PLCL2: variants seen among roughly 807,000 people sequenced by gnomAD.
PLCL2 encodes the protein inactive phospholipase C-like protein 2.
In PLCL2, 4 loss-of-function variants were observed where a neutral mutation model predicts 79.6. The ratio of observed to expected loss-of-function variants is 0.05; its 90% CI spans 0.02 to 0.11. The LOEUF is 0.11. PLCL2 is among the 10% of genes least tolerant of loss of function. The pLI is 1.00. For synonymous variants in PLCL2, 484 were observed against 457.7 expected, an observed-to-expected ratio of 1.06 and a Z score of -0.73; for missense variants, 895 against 1,291.0, an observed-to-expected ratio of 0.69 and a Z score of 4.70.
chr3:17,044,364 T>C (rs1186655432), intron 4 of PLCL2, among the ~76,000 whole-genome samples: 1 of 152,224 alleles, frequency 6.6e-6, no homozygotes, highest in Non-Finnish European at 1.5e-5. Context: ...TTCTCTGCCC[T>C]CTCTGCCAAT....
chr3:17,050,470 T>G (rs1057187437), intron 4 of PLCL2, among the ~76,000 whole-genome samples: 1 of 152,100 alleles, frequency 6.6e-6, no homozygotes, highest in East Asian at 1.9e-4. Context: ...ATAATCCAAT[T>G]TTAAAATGGG....
At chr3:17,014,625 TA>T in intron 2 of PLCL2, 82 bp from the exon 3 acceptor site, 1 of 1,074,434 alleles carries the variant, frequency 9.3e-7, no homozygotes, top group Non-Finnish European at 1.4e-6. Context: ...GGTTCAAGCA[TA>T]ATCAGATATA....
intron 4 of PLCL2, among the ~76,000 whole-genome samples, chr3:17,060,250 A>G (rs1046433845): frequency 3.0e-4 from 45 of 152,220 alleles, no homozygotes; most frequent in African/African-American, 1.1e-3. Context: ...AACCTCCCTC[A>G]TATAATTCAT....
chr3:16,989,850 G>A (rs753112260), intron 1 of PLCL2, among the ~76,000 whole-genome samples: 5 of 152,118 alleles, frequency 3.3e-5, no homozygotes, highest in Non-Finnish European at 2.9e-5. Flanking sequence ...GCTAGATAGC[G>A]TAGTTTTTTT....
chr3:17,009,931 A>T lies in PLCL2; in HGVS notation c.585A>T (p.Arg195Ser), dbSNP rs926704167. ...ACATTAAATCCATCAAGGAAGTGAG[A>T]ACAGGAAAAAACACAGACATATTCC... ...KIDIKSIKEV[R>S]TGKNTDIFRS... The change falls in exon 2 of 6, where the codon AGA (arginine) becomes AGT (serine). Residue 195 changes from arginine to serine, a missense_variant. Physicochemically the swap from Arg to Ser is moderately radical, Grantham distance 110. This residue lies in a region of PLCL2 where 129 missense variants were observed against 208.8 expected (regional missense o/e 0.62). Transcript: ENST00000615277. This position sits in a 1 kb window ranked among gnomAD's most constrained non-coding sequence, Gnocchi z 4.0. 2 of 1,613,986 alleles carry T rather than the reference A, an allele frequency of 1.2e-6. No individual in the cohort carries two copies. The highest frequency in any genetic ancestry group is 2.7e-5 in the African/African-American group (2 of 74,926).
chr3:17,005,519 T>C (rs373313535), intron 1 of PLCL2, among the ~76,000 whole-genome samples: 14 of 152,348 alleles, frequency 9.2e-5, no homozygotes, highest in African/African-American at 3.1e-4. Flanking sequence ...TAGAAAGATG[T>C]ATGTTTTTCC....
chr3:16,997,726 G>C (rs549135093), intron 1 of PLCL2, among the ~76,000 whole-genome samples: 1 of 152,072 alleles, frequency 6.6e-6, no homozygotes, highest in Admixed American at 6.5e-5. Context: ...TTTTAGTAGA[G>C]ATGGGGTTTC....
At chr3:16,994,433 A>G (rs558648949) in intron 1 of PLCL2, among the ~76,000 whole-genome samples, 1 of 152,308 alleles carries the variant, frequency 6.6e-6, no homozygotes, top group Non-Finnish European at 1.5e-5. Context: ...GCTCTCTGCC[A>G]AGTAGATACA....
At chr3:17,043,993 A>G (rs545989187) in intron 4 of PLCL2, 3 of 152,310 alleles carry the variant, frequency 2.0e-5, no homozygotes, top group African/African-American at 7.2e-5. Context: ...TATTAACACA[A>G]TCTGCAAATT....
At chr3:16,981,234 A>C (rs1007125222) in intron 1 of PLCL2, among the ~76,000 whole-genome samples, 1 of 152,246 alleles carries the variant, frequency 6.6e-6, no homozygotes, top group Non-Finnish European at 1.5e-5. Context: ...ATTAATCAAT[A>C]ATATATTGAT....
At chr3:16,907,577 G>T (rs994616192) in intron 1 of PLCL2, among the ~76,000 whole-genome samples, 7 of 152,160 alleles carry the variant, frequency 4.6e-5, no homozygotes, top group Non-Finnish European at 7.3e-5. Context: ...CTCCATTAGG[G>T]GCTTAGGCTT....
At chr3:17,047,739 T>A (rs369763636) in intron 4 of PLCL2, among the ~76,000 whole-genome samples, 2 of 152,160 alleles carry the variant, frequency 1.3e-5, no homozygotes, top group African/African-American at 4.8e-5. Flanking sequence ...ATGCAGTGAT[T>A]TCTTGGAGGC....
chr3:16,950,150 T>A (rs1356327984), intron 1 of PLCL2, among the ~76,000 whole-genome samples: 1 of 152,228 alleles, frequency 6.6e-6, no homozygotes, highest in East Asian at 1.9e-4. Context: ...TTTTTTGGCA[T>A]CAACCTCTCA....
At chr3:16,913,833 A>G (rs981858334) in intron 1 of PLCL2, among the ~76,000 whole-genome samples, 5 of 152,190 alleles carry the variant, frequency 3.3e-5, no homozygotes, top group African/African-American at 1.2e-4. Flanking sequence ...ATTTTATGGA[A>G]GAAAGATCTG....
chr3:16,999,841 C>T (rs1236381658), intron 1 of PLCL2, among the ~76,000 whole-genome samples: 1 of 152,098 alleles, frequency 6.6e-6, no homozygotes, highest in Non-Finnish European at 1.5e-5. Flanking sequence ...TTCATTTCTT[C>T]CCTGTTTCCC....
At position 16,908,210 on chromosome 3, in the gene PLCL2, T is replaced by C. The variant is rs1359914361; in HGVS notation, c.327+22844T>C. Among the ~76,000 whole-genome samples the C allele has an allele frequency of 5.3e-5, 8 of 152,334 alleles. No homozygotes were observed. The South Asian group carries it at 1.7e-3, about 32-fold the overall frequency. The stretch of plus-strand genomic sequence containing the variant: ...TTATCAGCTCATGGCTAATATTGTT[T>C]CCTCTGCATTCCTATCCACTTATCC... On this transcript the variant is annotated intron_variant, in intron 1 of 5. Coordinates refer to ENST00000615277, the MANE Select transcript of PLCL2 (RefSeq NM_001144382.2).
At chr3:17,022,093 T>C (rs2064461602) in intron 3 of PLCL2, among the ~76,000 whole-genome samples, 1 of 152,138 alleles carries the variant, frequency 6.6e-6, no homozygotes, top group South Asian at 2.1e-4. Flanking sequence ...TAGAGCATTT[T>C]TATTGTTTTT....
chr3:16,981,148 C>T (rs895462329), intron 1 of PLCL2, among the ~76,000 whole-genome samples: 109 of 94,574 alleles, frequency 1.2e-3, no homozygotes, highest in Non-Finnish European at 1.9e-3. Flanking sequence ...GAGGGAGACT[C>T]GGGGGAGAGG....
At chr3:16,969,795 C>T (rs1412201848) in intron 1 of PLCL2, among the ~76,000 whole-genome samples, 1 of 151,732 alleles carries the variant, frequency 6.6e-6, no homozygotes, top group African/African-American at 2.4e-5. Context: ...TATTGGTTTG[C>T]TCTTGTTTTT....
Sources: gnomAD v4.1 joint callset for allele counts (sites outside exome capture counted in the v4.1 genomes callset) on GRCh38, gnomAD v4.1.1 for gene constraint, gnomAD v4.1.1 regional missense constraint, Gnocchi (gnomAD v3.1) non-coding constraint, MANE v1.5 for transcripts, NCBI Gene and HGNC (gene_info 2026-07-23, HGNC 2026-07-21) for gene names.